The following EVI5 variants were observed in gnomAD, a reference collection of about 807,000 sequenced individuals.
EVI5 encodes the protein ecotropic viral integration site 5.
In EVI5, 73 loss-of-function variants were observed where a neutral mutation model predicts 112.0. The observed-to-expected ratio is 0.65, with a 90% CI of 0.54 to 0.79. The LOEUF is 0.79. EVI5 is among the 30% of genes least tolerant of loss of function. The pLI, the probability that EVI5 is intolerant of heterozygous loss-of-function variation, is 0.00. For missense variants in EVI5, 900 were observed against 968.8 expected, an observed-to-expected ratio of 0.93 and a Z score of 0.94; for synonymous variants, 305 against 319.9, an observed-to-expected ratio of 0.95 and a Z score of 0.50.
chr1:92,733,310 T>C (rs1570652360), intron 2 of EVI5: 1 of 158,616 alleles, frequency 6.3e-6, no homozygotes, highest in East Asian at 1.8e-4. Flanking sequence ...TCTACATACA[T>C]GGTTAAGTCA....
intron 1 of EVI5, among the ~76,000 whole-genome samples, chr1:92,761,795 G>T (rs962568058): frequency 2.0e-5 from 3 of 152,076 alleles, no homozygotes; most frequent in Admixed American, 2.0e-4. Context: ...TTTAAGGTTG[G>T]TACAAATATC....
intron 1 of EVI5, among the ~76,000 whole-genome samples, chr1:92,768,348 G>C (rs903884948): frequency 3.3e-5 from 5 of 152,128 alleles, no homozygotes; most frequent in African/African-American, 1.2e-4. Flanking sequence ...AGGACTGCAA[G>C]AGGTTTTTTT....
chr1:92,626,893 C>A lies in EVI5; in HGVS notation c.1528-959G>T, dbSNP rs144670960. On this transcript the variant is annotated intron_variant, in intron 14 of 19. Coordinates refer to ENST00000684568, the MANE Select transcript of EVI5 (RefSeq NM_001350197.2). ...TCAGCATGTTATTTTTGAGAGGCATCAAATCTCTGTGTATTAGTCACTATT... is the reference window on the plus strand; with the variant it reads ...TCAGCATGTTATTTTTGAGAGGCATAAAATCTCTGTGTATTAGTCACTATT... Among the ~76,000 whole-genome samples, 525 of 152,202 alleles carry A rather than the reference C, an allele frequency of 3.4e-3. 3 individuals carry two copies. The highest frequency in any genetic ancestry group is 0.012 in the African/African-American group (508 of 41,520).
At chr1:92,731,801 G>C (rs541903288) in intron 2 of EVI5, among the ~76,000 whole-genome samples, 9 of 152,194 alleles carry the variant, frequency 5.9e-5, no homozygotes, top group African/African-American at 2.2e-4. Context: ...AGAAAGAACA[G>C]CCATTTCAAT....
Position 92,767,106 on chromosome 1 carries a change from A to C in EVI5, c.-82+17730T>G, listed in dbSNP as rs567176975. On this transcript the variant is annotated intron_variant, in intron 1 of 19. Transcript: ENST00000684568. ...TCAAAAAAAAAAAAAAAAAAAATCC[A>C]ATTCATCAATTCTAAATTATATGCC... 1.2e-3 allele frequency among the ~76,000 whole-genome samples: 168 copies of C among 140,366 alleles called. 1 individual carries two copies. Among genetic ancestry groups the C allele is most frequent in the African/African-American group, 4.2e-3 (155 of 37,254 alleles). The allele number at this position is 140,366 out of a possible 152,430, so 92.1% of individuals were successfully genotyped here.
chr1:92,662,652 T>C, intron 13 of EVI5, 67 bp downstream of exon 13: 19 of 1,010,908 alleles, frequency 1.9e-5, no homozygotes, highest in Non-Finnish European at 2.4e-5. Flanking sequence ...ATCTGTGCTA[T>C]GAAAAAAAAA....
At chr1:92,720,026 G>C (rs924289060) in intron 2 of EVI5, among the ~76,000 whole-genome samples, 2 of 151,984 alleles carry the variant, frequency 1.3e-5, no homozygotes, top group East Asian at 3.9e-4. Context: ...AAATAAAAGA[G>C]GACACAAACA....
intron 18 of EVI5, among the ~76,000 whole-genome samples, chr1:92,592,535 C>G (rs890930907): frequency 4.6e-5 from 7 of 152,112 alleles, no homozygotes; most frequent in African/African-American, 1.7e-4. Flanking sequence ...CAAACACATT[C>G]AAAAACTAGC....
At chr1:92,601,357 G>A (rs931451782) in intron 18 of EVI5, among the ~76,000 whole-genome samples, 8 of 151,946 alleles carry the variant, frequency 5.3e-5, no homozygotes, top group African/African-American at 1.9e-4. Context: ...TCCACTACTG[G>A]GTATATATCC....
Position 92,704,510 on chromosome 1 carries a change from G to T in EVI5, c.339+45C>A, listed in dbSNP as rs190399943. 3.3e-6 allele frequency: 4 copies of T among 1,215,110 alleles called. No individual in the cohort carries two copies. In the East Asian group the frequency reaches 7.3e-5, roughly 22 times the overall value. The allele number at this position is 1,215,110 out of a possible 1,614,324, so 75.3% of individuals were successfully genotyped here. Reference sequence around the variant, plus strand: ...AATCCTCTATTAAGTTATGTCTGACGCACTATGGAATAAGAATAAGAACTT... The same window carrying T: ...AATCCTCTATTAAGTTATGTCTGACTCACTATGGAATAAGAATAAGAACTT... On this transcript the variant is annotated intron_variant, in intron 3 of 19. Coordinates refer to ENST00000684568, the MANE Select transcript of EVI5 (RefSeq NM_001350197.2).
chr1:92,726,608 TAAAG>T (rs577724747), intron 2 of EVI5, among the ~76,000 whole-genome samples: 73 of 152,298 alleles, frequency 4.8e-4, no homozygotes, highest in South Asian at 3.5e-3. Context: ...AATCTGGATC[TAAAG>T]AAAGGACAGA....
intron 16 of EVI5, among the ~76,000 whole-genome samples, chr1:92,615,539 G>A (rs543844262): frequency 6.6e-6 from 1 of 152,292 alleles, no homozygotes; most frequent in Non-Finnish European, 1.5e-5. Context: ...TGGGGACATA[G>A]AGGTTTGTAA....
intron 9 of EVI5, among the ~76,000 whole-genome samples, chr1:92,681,032 T>C (rs1667500213): frequency 6.6e-6 from 1 of 152,160 alleles, no homozygotes; most frequent in African/African-American, 2.4e-5. Context: ...GGACAGCATA[T>C]ATACAGCATA....
chr1:92,672,651 T>A (rs1666066242), intron 10 of EVI5, among the ~76,000 whole-genome samples: 2 of 152,208 alleles, frequency 1.3e-5, no homozygotes, highest in Admixed American at 6.5e-5. Context: ...TGAGGACAGA[T>A]CATGGTCTAC....
intron 9 of EVI5, among the ~76,000 whole-genome samples, chr1:92,678,057 G>A (rs1285065468): frequency 6.6e-6 from 1 of 152,176 alleles, no homozygotes; most frequent in African/African-American, 2.4e-5. Context: ...AATAGAAGGC[G>A]AAGGCAGGGA....
At chr1:92,681,286 A>G (rs182650010) in intron 9 of EVI5, among the ~76,000 whole-genome samples, 327 of 152,256 alleles carry the variant, frequency 2.1e-3, no homozygotes, top group African/African-American at 7.4e-3. Flanking sequence ...CAATATCTCA[A>G]TTTACTCTCA....
At chr1:92,592,446 T>A (rs1357137204) in intron 18 of EVI5, among the ~76,000 whole-genome samples, 1 of 152,140 alleles carries the variant, frequency 6.6e-6, no homozygotes, top group African/African-American at 2.4e-5. Flanking sequence ...TTTATAGCCT[T>A]AAATGCCCAC....
chr1:92,687,578 G>A (rs1176745148), intron 9 of EVI5, among the ~76,000 whole-genome samples: 10 of 152,124 alleles, frequency 6.6e-5, no homozygotes, highest in Non-Finnish European at 2.9e-5. Flanking sequence ...CACAGCAGAA[G>A]AAACTATCAC....
chr1:92,670,213 C>T (rs949611944), intron 10 of EVI5, among the ~76,000 whole-genome samples: 1 of 152,132 alleles, frequency 6.6e-6, no homozygotes, highest in African/African-American at 2.4e-5. Flanking sequence ...AAGATGTTAA[C>T]CATTAGCATT....
Sources: allele counts gnomAD v4.1 joint callset (sites outside exome capture counted in the v4.1 genomes callset), GRCh38; gene constraint gnomAD v4.1.1; transcripts MANE v1.5; gene names NCBI Gene and HGNC (gene_info 2026-07-23, HGNC 2026-07-21).